The following LRFN2 variants were observed in gnomAD, a reference collection of about 807,000 sequenced individuals.
LRFN2 encodes the protein leucine rich repeat and fibronectin type III domain containing 2, also known as leucine-rich repeat and fibronectin type-III domain-containing protein 2.
In LRFN2, 18 loss-of-function variants were observed where a neutral mutation model predicts 37.3. That is an observed-to-expected ratio of 0.48 (90% CI 0.33 to 0.72). The LOEUF is 0.72. Ranked by LOEUF, LRFN2 falls within the 30% of genes least tolerant of loss-of-function variation. The probability of loss-of-function intolerance (pLI) is 0.02; values close to 1 mark genes in which losing one functional copy is unlikely to be tolerated. For missense variants in LRFN2, 1,006 were observed against 1,060.7 expected (o/e 0.95, Z 0.72); for synonymous variants, 556 against 466.6 (o/e 1.19, Z -2.47).
chr6:40,410,259 C>A (rs890441885), intron 2 of LRFN2, among the ~76,000 whole-genome samples: 22 of 152,132 alleles, frequency 1.4e-4, no homozygotes, highest in African/African-American at 5.1e-4. Context: ...CAGCCTTGAG[C>A]AATTCACTTT....
At chr6:40,446,951 CA>C (rs1438408176) in intron 1 of LRFN2, among the ~76,000 whole-genome samples, 1 of 83,162 alleles carries the variant, frequency 1.2e-5, no homozygotes, top group Non-Finnish European at 2.7e-5. Flanking sequence ...GTGTCTCCCT[CA>C]GACTGGGGTT....
chr6:40,454,847 T>C (rs529869175), intron 1 of LRFN2, among the ~76,000 whole-genome samples: 11 of 152,346 alleles, frequency 7.2e-5, no homozygotes, highest in Middle Eastern at 3.4e-3. Context: ...AAATGCTGAG[T>C]TGCAAAACCT....
chr6:40,505,432 A>G (rs966006721), intron 1 of LRFN2, among the ~76,000 whole-genome samples: 3 of 152,218 alleles, frequency 2.0e-5, no homozygotes, highest in Non-Finnish European at 2.9e-5. Flanking sequence ...ATTTCGCTCC[A>G]TGACGCAGGT....
intron 2 of LRFN2, among the ~76,000 whole-genome samples, chr6:40,419,685 T>C (rs527361945): frequency 2.6e-5 from 4 of 152,262 alleles, no homozygotes; most frequent in African/African-American, 9.6e-5. Context: ...CCTCTGTCTC[T>C]GTCTTCATTG....
At chr6:40,493,674 C>A (rs903509491) in intron 1 of LRFN2, among the ~76,000 whole-genome samples, 1 of 152,198 alleles carries the variant, frequency 6.6e-6, no homozygotes, top group African/African-American at 2.4e-5. Flanking sequence ...CTGGTTTCTG[C>A]CCCACTGCCT....
chr6:40,494,492 C>A lies in LRFN2; in HGVS notation c.-18-61361G>T, dbSNP rs1243540592. On this transcript the variant is annotated intron_variant, in intron 1 of 2. Transcript: ENST00000338305. ...CTTTCATTATATAACTTTGAAATTC[C>A]AAGAATTAAAGATTAATCATCAGTT... Among the ~76,000 whole-genome samples, 3 of 152,088 alleles carry A rather than the reference C, an allele frequency of 2.0e-5. No homozygotes were observed. In the East Asian group the frequency reaches 5.8e-4, roughly 29 times the overall value.
At chr6:40,512,149 G>T (rs1765727842) in intron 1 of LRFN2, among the ~76,000 whole-genome samples, 1 of 152,186 alleles carries the variant, frequency 6.6e-6, no homozygotes, top group African/African-American at 2.4e-5. Context: ...CCCTTAAGGA[G>T]AACTGACGTG....
At chr6:40,582,692 T>C (rs1370191604) in intron 1 of LRFN2, among the ~76,000 whole-genome samples, 1 of 141,658 alleles carries the variant, frequency 7.1e-6, no homozygotes, top group Non-Finnish European at 1.5e-5. Context: ...AACCCTCAGT[T>C]ACAACGTAAG....
chr6:40,430,554 A>G (rs777464122), intron 2 of LRFN2, among the ~76,000 whole-genome samples: 7 of 152,232 alleles, frequency 4.6e-5, no homozygotes, highest in African/African-American at 7.2e-5. Context: ...CATGTTTCAT[A>G]TAAGGGAACT....
At chr6:40,425,275 G>A (rs1038303853) in intron 2 of LRFN2, among the ~76,000 whole-genome samples, 1 of 152,280 alleles carries the variant, frequency 6.6e-6, no homozygotes, top group South Asian at 2.1e-4. Context: ...AAGGATGGGG[G>A]CAGCATAACA....
chr6:40,457,363 C>A (rs1764255512), intron 1 of LRFN2, among the ~76,000 whole-genome samples: 1 of 151,730 alleles, frequency 6.6e-6, no homozygotes, highest in African/African-American at 2.4e-5. Context: ...AAGGGATTAA[C>A]CTTTTTCTCC....
intron 1 of LRFN2, among the ~76,000 whole-genome samples, chr6:40,503,075 C>T (rs573008372): frequency 6.6e-6 from 1 of 152,188 alleles, no homozygotes; most frequent in East Asian, 1.9e-4. Context: ...AGAGCAAGGA[C>T]AGGGCAGAGG....
intron 1 of LRFN2, among the ~76,000 whole-genome samples, chr6:40,568,923 C>T (rs189944861): frequency 9.9e-5 from 15 of 152,214 alleles, no homozygotes; most frequent in East Asian, 1.9e-4. Flanking sequence ...TCTATTCTAA[C>T]GGATAAAGAA....
intron 1 of LRFN2, among the ~76,000 whole-genome samples, chr6:40,496,074 C>A (rs1194588417): frequency 1.3e-5 from 2 of 152,134 alleles, no homozygotes; most frequent in Non-Finnish European, 1.5e-5. Flanking sequence ...CATCCAGATG[C>A]TCAAGCCAAA....
intron 1 of LRFN2, among the ~76,000 whole-genome samples, chr6:40,533,046 G>T (rs948876520): frequency 6.6e-6 from 1 of 152,184 alleles, no homozygotes; most frequent in Non-Finnish European, 1.5e-5. Flanking sequence ...CACAGGATGA[G>T]AACGTTTCCC....
chr6:40,532,141 C>A (rs1466871331), intron 1 of LRFN2, among the ~76,000 whole-genome samples: 2 of 152,204 alleles, frequency 1.3e-5, no homozygotes, highest in Non-Finnish European at 2.9e-5. Flanking sequence ...CTCTCTCAAG[C>A]CTTACCGTGG....
intron 2 of LRFN2, among the ~76,000 whole-genome samples, chr6:40,425,024 G>A (rs905804843): frequency 6.6e-6 from 1 of 152,242 alleles, no homozygotes; most frequent in South Asian, 2.1e-4. Context: ...TGCTGAATCT[G>A]CCCTCTTGTC....
chr6:40,410,475 A>G (rs975638112), intron 2 of LRFN2, among the ~76,000 whole-genome samples: 4 of 152,134 alleles, frequency 2.6e-5, no homozygotes, highest in African/African-American at 7.2e-5. Flanking sequence ...TTTATTGACT[A>G]TATCTTTACT....
At chr6:40,471,691 T>C (rs1764598935) in intron 1 of LRFN2, among the ~76,000 whole-genome samples, 1 of 152,180 alleles carries the variant, frequency 6.6e-6, no homozygotes, top group Non-Finnish European at 1.5e-5. Context: ...AAGTACCTGT[T>C]CATTCTGATT....
Sources: allele counts gnomAD v4.1 joint callset (sites outside exome capture counted in the v4.1 genomes callset), GRCh38; gene constraint gnomAD v4.1.1; transcripts MANE v1.5; gene names NCBI Gene and HGNC (gene_info 2026-07-23, HGNC 2026-07-21).